KIF4A: variants seen among roughly 807,000 people sequenced by gnomAD.
KIF4A encodes chromosome-associated kinesin KIF4A.
A neutral mutation model predicts 105.9 loss-of-function variants in KIF4A; 7 were observed. The observed-to-expected ratio is 0.07, with a 90% CI of 0.04 to 0.12. The LOEUF is 0.12. Among genes scored for constraint, KIF4A ranks in the 10% least tolerant of loss-of-function variants. The probability of loss-of-function intolerance (pLI) is 1.00; values close to 1 mark genes in which losing one functional copy is unlikely to be tolerated. For synonymous variants in KIF4A, 281 were observed against 331.3 expected, an observed-to-expected ratio of 0.85 and a Z score of 1.65; for missense variants, 558 against 929.2, an observed-to-expected ratio of 0.60 and a Z score of 5.19.
chrX:70,356,281 CA>C (rs1335110876), intron 15 of KIF4A, among the ~76,000 whole-genome samples: 2 of 108,079 alleles, frequency 1.9e-5, no homozygotes, highest in Non-Finnish European at 3.8e-5. Context: ...ACCATCCCAA[CA>C]AAAAAAACTT....
At chrX:70,401,120 G>A (rs1429801246) in intron 22 of KIF4A, among the ~76,000 whole-genome samples, 6 of 87,524 alleles carry the variant, frequency 6.9e-5, no homozygotes, top group East Asian at 3.5e-4. Flanking sequence ...TTGCTCTGTC[G>A]CCAGGCTGGA....
intron 3 of KIF4A, among the ~76,000 whole-genome samples, chrX:70,294,581 G>A (rs984781319): frequency 4.4e-5 from 5 of 112,376 alleles, no homozygotes; most frequent in African/African-American, 1.6e-4. Flanking sequence ...TAATGGCTAA[G>A]TCAATAAGCA....
chrX:70,408,161 G>T (rs1051857831), intron 28 of KIF4A, among the ~76,000 whole-genome samples: 1 of 111,123 alleles, frequency 9.0e-6, no homozygotes, highest in South Asian at 3.9e-4. Flanking sequence ...GCCCAAGGTC[G>T]TAAAACTAAG....
chrX:70,418,357 G>A (rs888234824), intron 29 of KIF4A, among the ~76,000 whole-genome samples: 1 of 111,506 alleles, frequency 9.0e-6, no homozygotes, highest in African/African-American at 3.3e-5. Context: ...TAGTCCAGAG[G>A]TTTAACTGGA....
intron 18 of KIF4A, among the ~76,000 whole-genome samples, chrX:70,382,488 C>T (rs775247575): frequency 2.1e-4 from 24 of 111,846 alleles, no homozygotes; most frequent in Non-Finnish European, 4.1e-4. Flanking sequence ...AAAACCTAAA[C>T]GTACGAGCTA....
chrX:70,311,953 A>G (rs1159490285), intron 7 of KIF4A, among the ~76,000 whole-genome samples: 1 of 95,731 alleles, frequency 1.0e-5, no homozygotes, highest in Non-Finnish European at 2.0e-5. Context: ...GACCGTCTCT[A>G]AAAAAAAAAA....
intron 7 of KIF4A, among the ~76,000 whole-genome samples, chrX:70,323,241 C>T (rs2085898644): frequency 9.0e-6 from 1 of 111,222 alleles, no homozygotes; most frequent in Non-Finnish European, 1.9e-5. Context: ...TCCCCCAAAG[C>T]GGATTAGGTA....
At chrX:70,296,874 C>A in intron 3 of KIF4A, 124 bp from the exon 4 acceptor site, 1 of 765,440 alleles carries the variant, frequency 1.3e-6, no homozygotes, top group Non-Finnish European at 1.9e-6. Context: ...GTCTGCCATT[C>A]TTAAGAGACT....
In KIF4A at chrX:70,404,711, C is replaced by T; in HGVS notation, c.2791-4C>T. The T allele has an allele frequency of 1.7e-6, 2 of 1,190,662 alleles. No individual in the cohort carries two copies. The highest frequency in any genetic ancestry group is 5.9e-5 in the East Asian group (2 of 33,625). ...ACCACCCATTGGATCGTGTCTTTCT[C>T]TAGGTGCTGTACCTTCTCAGCCAGC... On this transcript the variant is annotated splice_region_variant and splice_polypyrimidine_tract_variant and intron_variant, in intron 24 of 30. Transcript: ENST00000374403.
chrX:70,396,067 T>G lies in KIF4A; in HGVS notation c.2489+18T>G. The G allele has an allele frequency of 1.6e-5, 17 of 1,066,317 alleles. No homozygotes were observed. The highest frequency in any genetic ancestry group is 2.5e-4 in the Middle Eastern group (1 of 3,946). The allele number at this position is 1,066,317 out of a possible 1,213,427, so 87.9% of individuals were successfully genotyped here. A position where few individuals can be genotyped will look rare whatever the true frequency, so the allele number is the denominator to read the frequency against. On this transcript the variant is annotated intron_variant, in intron 22 of 30. Coordinates refer to ENST00000374403, the MANE Select transcript of KIF4A (RefSeq NM_012310.5). ...GAATTCAGGTAACAGGGACTATCTCTAAGCCATTATAAAAATTTATGCCTG... is the reference window on the plus strand; with the variant it reads ...GAATTCAGGTAACAGGGACTATCTCGAAGCCATTATAAAAATTTATGCCTG...
At chrX:70,416,345 CTTTTTTT>C (rs376059238) in intron 28 of KIF4A, among the ~76,000 whole-genome samples, 1 of 62,760 alleles carries the variant, frequency 1.6e-5, no homozygotes, top group Non-Finnish European at 2.8e-5. Context: ...TCTGCACAGT[CTTTTTTT>C]TTTTTTTTTT....
chrX:70,406,840 A>T, intron 27 of KIF4A, 53 bp from the exon 28 acceptor site: 2 of 1,136,166 alleles, frequency 1.8e-6, no homozygotes, highest in Non-Finnish European at 2.4e-6. Context: ...TGATGCATAT[A>T]TAGTTTTTAG....
chrX:70,407,086 G>A lies in KIF4A; in HGVS notation c.3255+11G>A, dbSNP rs376984076. The stretch of plus-strand genomic sequence containing the variant: ...AAGAACATCCAAGGGGTAGGAGCCA[G>A]CTCTTCAACTTTTTTTTTGTTTTGT... On this transcript the variant is annotated intron_variant, in intron 28 of 30. Transcript: ENST00000374403. 2.6e-6 allele frequency: 3 copies of A among 1,169,243 alleles called. No homozygotes were observed. The highest frequency in any genetic ancestry group is 3.2e-5 in the East Asian group (1 of 31,422).
intron 3 of KIF4A, among the ~76,000 whole-genome samples, chrX:70,293,963 G>A (rs985157783): frequency 1.8e-5 from 2 of 111,487 alleles, no homozygotes; most frequent in South Asian, 3.7e-4. Context: ...ATTAACCTTC[G>A]CTTATTATAC....
chrX:70,414,324 C>T (rs1273967227), intron 28 of KIF4A, among the ~76,000 whole-genome samples: 1 of 110,860 alleles, frequency 9.0e-6, no homozygotes, highest in African/African-American at 3.3e-5. Flanking sequence ...TGATGGTTCT[C>T]ATATGAAAAA....
chrX:70,338,771 C>T (rs985453681), intron 10 of KIF4A, among the ~76,000 whole-genome samples: 1 of 111,544 alleles, frequency 9.0e-6, no homozygotes, highest in Non-Finnish European at 1.9e-5. Context: ...AGTTAGAAAG[C>T]CTTTCTCCAC....
chrX:70,366,824 T>C (rs2086105924), intron 15 of KIF4A, among the ~76,000 whole-genome samples: 3 of 111,512 alleles, frequency 2.7e-5, no homozygotes, highest in Admixed American at 9.6e-5. Flanking sequence ...TCTGTCTCAT[T>C]GATCTGTCTA....
chrX:70,341,368 T>G lies in KIF4A; in HGVS notation c.1134-431T>G, dbSNP rs191679131. On this transcript the variant is annotated intron_variant, in intron 10 of 30. Transcript: ENST00000374403. ...GACCCTGAGCAGTGTCACTTCTACC[T>G]CCCCCATACCTCTCCCTTCTCTACT... Among the ~76,000 whole-genome samples the G allele has an allele frequency of 7.4e-3, 822 of 111,400 alleles. 10 individuals are homozygous for G. The highest frequency in any genetic ancestry group is 0.025 in the African/African-American group (769 of 30,704).
intron 18 of KIF4A, among the ~76,000 whole-genome samples, chrX:70,376,716 A>G (rs774013445): frequency 1.5e-4 from 17 of 112,173 alleles, no homozygotes; most frequent in Non-Finnish European, 2.3e-4. Context: ...GGGGTGAAGT[A>G]TAGTAGTGGA....
Sources: allele counts gnomAD v4.1 joint callset (sites outside exome capture counted in the v4.1 genomes callset), GRCh38; gene constraint gnomAD v4.1.1; transcripts MANE v1.5; gene names NCBI Gene and HGNC (gene_info 2026-07-23, HGNC 2026-07-21).